Variants in ANXA4 observed in about 807,000 individuals in gnomAD.
ANXA4 encodes 35-beta calcimedin.
In ANXA4, 39 loss-of-function variants were observed where a neutral mutation model predicts 49.8. That is an observed-to-expected ratio of 0.78 (90% confidence interval 0.61 to 1.02). The LOEUF is 1.02. ANXA4 is among the 50% of genes least tolerant of loss of function. The probability of loss-of-function intolerance (pLI) is 0.00; values close to 1 mark genes in which losing one functional copy is unlikely to be tolerated. For synonymous variants in ANXA4, 134 were observed against 152.5 expected, an observed-to-expected ratio of 0.88 and a Z score of 0.89; for missense variants, 360 against 410.1, an observed-to-expected ratio of 0.88 and a Z score of 1.05.
At chr2:69,732,284 A>T (rs1214117637) in intron 3 of ANXA4, among the ~76,000 whole-genome samples, 1 of 149,922 alleles carries the variant, frequency 6.7e-6, no homozygotes, top group Non-Finnish European at 1.5e-5. Flanking sequence ...GCCCTTAGTT[A>T]TGTGTTCTGT....
At chr2:69,689,604 G>A (rs1441540608) in intron 2 of ANXA4, among the ~76,000 whole-genome samples, 1 of 152,164 alleles carries the variant, frequency 6.6e-6, no homozygotes, top group Non-Finnish European at 1.5e-5. Flanking sequence ...AGGTCGTTAT[G>A]TAGTTCTTTT....
chr2:69,812,845 A>G, intron 8 of ANXA4, 136 bp downstream of exon 8: 1 of 740,852 alleles, frequency 1.3e-6, no homozygotes, highest in Non-Finnish European at 2.2e-6. Context: ...ATATTCCCAC[A>G]GATAGCCTTT....
At chr2:69,679,064 GT>G (rs1292425500) in intron 2 of ANXA4, among the ~76,000 whole-genome samples, 1 of 151,834 alleles carries the variant, frequency 6.6e-6, no homozygotes, top group Admixed American at 6.6e-5. Flanking sequence ...TATTGTTTTG[GT>G]TTTTTATTGA....
intron 1 of ANXA4, among the ~76,000 whole-genome samples, chr2:69,768,474 T>TCATCTCC (rs1573222192): frequency 6.6e-6 from 1 of 152,022 alleles, no homozygotes; most frequent in African/African-American, 2.4e-5. Flanking sequence ...ACGTCATCTC[T>TCATCTCC]GTAGCTTCCA....
At chr2:69,716,760 A>G (rs931688729) in intron 2 of ANXA4, among the ~76,000 whole-genome samples, 6 of 152,202 alleles carry the variant, frequency 3.9e-5, no homozygotes, top group Non-Finnish European at 8.8e-5. Flanking sequence ...GTCATTGGCC[A>G]GAGGGGAGGG....
At chr2:69,676,366 T>A (rs1221181404) in intron 2 of ANXA4, among the ~76,000 whole-genome samples, 2 of 152,202 alleles carry the variant, frequency 1.3e-5, no homozygotes, top group Non-Finnish European at 2.9e-5. Flanking sequence ...GTTCAAAGTC[T>A]CATGCGTAGT....
chr2:69,712,776 TAGA>T (rs1415569037), intron 2 of ANXA4, among the ~76,000 whole-genome samples: 1 of 152,350 alleles, frequency 6.6e-6, no homozygotes, highest in South Asian at 2.1e-4. Flanking sequence ...CAGATGTGCC[TAGA>T]AGAAGGAGAT....
chr2:69,759,306 A>G (rs1054115972), intron 1 of ANXA4, among the ~76,000 whole-genome samples: 6 of 152,196 alleles, frequency 3.9e-5, no homozygotes, highest in Non-Finnish European at 5.9e-5. Flanking sequence ...ACACAAAATT[A>G]TATACATACT....
chr2:69,812,754 G>A (rs376642042), intron 8 of ANXA4, 45 bp downstream of exon 8: 19 of 1,578,652 alleles, frequency 1.2e-5, no homozygotes, highest in South Asian at 3.3e-5. Flanking sequence ...CTTCTCTTTC[G>A]CCAATGAGAC....
At chr2:69,721,866 T>G (rs1285966731) in intron 3 of ANXA4, among the ~76,000 whole-genome samples, 1 of 152,198 alleles carries the variant, frequency 6.6e-6, no homozygotes, top group Non-Finnish European at 1.5e-5. Flanking sequence ...TTCACCAATA[T>G]TTTTTGTCAG....
At chr2:69,653,746 C>A (rs2105308097) in intron 2 of ANXA4, among the ~76,000 whole-genome samples, 1 of 152,248 alleles carries the variant, frequency 6.6e-6, no homozygotes, top group South Asian at 2.1e-4. Context: ...CTTAGCCATG[C>A]CTCCTTGTGA....
chr2:69,691,640 A>G (rs541936439), intron 2 of ANXA4, among the ~76,000 whole-genome samples: 5 of 152,226 alleles, frequency 3.3e-5, no homozygotes, highest in Non-Finnish European at 7.3e-5. Context: ...ATTTCTTTAG[A>G]AACTAGCCAC....
At chr2:69,774,664 G>A (rs572066220) in intron 1 of ANXA4, among the ~76,000 whole-genome samples, 4 of 152,172 alleles carry the variant, frequency 2.6e-5, no homozygotes, top group South Asian at 2.1e-4. Context: ...TAATCACAGC[G>A]TTTACCATGA....
At chr2:69,684,138 A>G (rs147952295) in intron 2 of ANXA4, among the ~76,000 whole-genome samples, 8 of 152,354 alleles carry the variant, frequency 5.3e-5, no homozygotes, top group Non-Finnish European at 8.8e-5. Context: ...AAATTTTAAG[A>G]TGAAAAATTC....
intron 2 of ANXA4, among the ~76,000 whole-genome samples, chr2:69,702,231 T>A (rs1678352659): frequency 6.6e-6 from 1 of 152,076 alleles, no homozygotes; most frequent in South Asian, 2.1e-4. Flanking sequence ...CAGGCTGGTG[T>A]TGAACTCCTG....
chr2:69,793,302 G>T (rs1298356935), intron 3 of ANXA4, among the ~76,000 whole-genome samples: 1 of 149,928 alleles, frequency 6.7e-6, no homozygotes, highest in Non-Finnish European at 1.5e-5. Flanking sequence ...ACTAGTATTT[G>T]ACCTGCATAA....
intron 2 of ANXA4, among the ~76,000 whole-genome samples, chr2:69,787,540 G>C (rs183910909): frequency 1.3e-5 from 2 of 152,290 alleles, no homozygotes; most frequent in Admixed American, 6.5e-5. Flanking sequence ...ATTCAGGTTT[G>C]ATATTTTTCC....
At chr2:69,750,505 T>A (rs896169051) in intron 1 of ANXA4, among the ~76,000 whole-genome samples, 1 of 152,228 alleles carries the variant, frequency 6.6e-6, no homozygotes, top group African/African-American at 2.4e-5. Context: ...CTCAAACTCC[T>A]GGGCGCAGGT....
At chr2:69,760,672 C>G (rs1671246861) in intron 1 of ANXA4, among the ~76,000 whole-genome samples, 1 of 151,300 alleles carries the variant, frequency 6.6e-6, no homozygotes, top group Admixed American at 6.6e-5. Flanking sequence ...TTTTCTTTTT[C>G]TTTTTTAGCA....
Sources: gnomAD v4.1 joint callset for allele counts (sites outside exome capture counted in the v4.1 genomes callset) on GRCh38, gnomAD v4.1.1 for gene constraint, MANE v1.5 for transcripts, NCBI Gene and HGNC (gene_info 2026-07-23, HGNC 2026-07-21) for gene names.